Variants in GRIK4 observed in about 807,000 individuals in gnomAD.
The protein encoded by GRIK4 is glutamate ionotropic receptor kainate type subunit 4.
Under a neutral mutation model 104.9 loss-of-function variants are expected in GRIK4, and 40 were observed. The observed-to-expected ratio is 0.38, with a 90% CI of 0.30 to 0.50. GRIK4 has a LOEUF of 0.50. Among genes scored for constraint, GRIK4 ranks in the 20% least tolerant of loss-of-function variants. The pLI is 0.93. For synonymous variants in GRIK4, 485 were observed against 524.9 expected (o/e 0.92, Z 1.04); for missense variants, 1,047 against 1,308.1 (o/e 0.80, Z 3.08).
intron 3 of GRIK4, among the ~76,000 whole-genome samples, chr11:120,723,844 T>G (rs772927363): frequency 6.6e-6 from 1 of 152,130 alleles, no homozygotes; most frequent in Non-Finnish European, 1.5e-5. Context: ...ATAGTGAAAT[T>G]CACTTTTTAT....
intron 3 of GRIK4, among the ~76,000 whole-genome samples, chr11:120,800,560 G>T (rs551008514): frequency 6.6e-6 from 1 of 152,200 alleles, no homozygotes; most frequent in Non-Finnish European, 1.5e-5. Flanking sequence ...CCAGGTATGC[G>T]TGGACTTTGC....
At chr11:120,824,544 T>C (rs1343276984) in intron 6 of GRIK4, among the ~76,000 whole-genome samples, 1 of 149,518 alleles carries the variant, frequency 6.7e-6, no homozygotes, top group Non-Finnish European at 1.5e-5. Context: ...CTTCTTTTTT[T>C]TTTCTTTTCT....
intron 8 of GRIK4, among the ~76,000 whole-genome samples, chr11:120,841,825 G>A (rs1329463797): frequency 6.6e-6 from 1 of 152,178 alleles, no homozygotes; most frequent in Non-Finnish European, 1.5e-5. Flanking sequence ...GTGTCAAGTA[G>A]TCAGATGTGT....
intron 6 of GRIK4, among the ~76,000 whole-genome samples, chr11:120,826,292 G>T (rs1181500826): frequency 1.3e-5 from 2 of 152,064 alleles, no homozygotes; most frequent in East Asian, 3.9e-4. Flanking sequence ...CTTTCCTACA[G>T]TATGGGACGA....
intron 13 of GRIK4, among the ~76,000 whole-genome samples, chr11:120,910,324 G>C (rs1369722641): frequency 6.6e-6 from 1 of 152,230 alleles, no homozygotes; most frequent in Non-Finnish European, 1.5e-5. Flanking sequence ...AAAATCATCA[G>C]AGCATGTCTT....
At chr11:120,673,388 G>T (rs1397423070) in intron 3 of GRIK4, among the ~76,000 whole-genome samples, 1 of 152,204 alleles carries the variant, frequency 6.6e-6, no homozygotes, top group Non-Finnish European at 1.5e-5. Context: ...CTTAACAAGT[G>T]CTGCTTGCCG....
chr11:120,928,767 C>G (rs1943409218), intron 13 of GRIK4, among the ~76,000 whole-genome samples: 1 of 152,188 alleles, frequency 6.6e-6, no homozygotes, highest in Admixed American at 6.5e-5. Flanking sequence ...GAAATTCATC[C>G]AGCCCCGAGA....
intron 13 of GRIK4, among the ~76,000 whole-genome samples, chr11:120,922,468 T>C (rs1439784007): frequency 6.6e-5 from 10 of 152,172 alleles, no homozygotes; most frequent in Non-Finnish European, 7.4e-5. Flanking sequence ...TGTGAATAGA[T>C]AGTCCTGCTT....
intron 14 of GRIK4, among the ~76,000 whole-genome samples, chr11:120,945,267 C>T (rs577129899): frequency 2.6e-5 from 4 of 152,310 alleles, no homozygotes; most frequent in East Asian, 1.9e-4. Context: ...TGCTCTTCCA[C>T]GCAGCTCCCC....
chr11:120,704,500 G>A (rs898780781), intron 3 of GRIK4, among the ~76,000 whole-genome samples: 14 of 152,174 alleles, frequency 9.2e-5, no homozygotes, highest in African/African-American at 3.1e-4. Context: ...AAGCCTGCAC[G>A]TAATTTACAG....
Position 120,866,605 on chromosome 11 carries a change from G to T in GRIK4, c.906+4485G>T, listed in dbSNP as rs189090511. ...TGGGGGATATTCAGTGAGTGGGGGT[G>T]TTCTCTGAGGCTCTCTTGGTGCTGC... On this transcript the variant is annotated intron_variant, in intron 9 of 20. Coordinates refer to ENST00000527524, the MANE Select transcript of GRIK4 (RefSeq NM_014619.5). 1.5e-3 allele frequency among the ~76,000 whole-genome samples: 225 copies of T among 152,300 alleles called. 1 individual carries two copies. The highest frequency in any genetic ancestry group is 5.3e-3 in the African/African-American group (221 of 41,576).
Position 120,834,920 on chromosome 11 carries a change from C to T in GRIK4, c.691-1871C>T, listed in dbSNP as rs1953534125. ...AGCCTGTCGCTGTAAGCAGCGGGCT[C>T]GCTCCGTGGGTCGCATCCGTCTAGG... is the stretch of plus-strand genomic sequence containing the variant. On this transcript the variant is annotated intron_variant, in intron 7 of 20. Coordinates refer to ENST00000527524, the MANE Select transcript of GRIK4 (RefSeq NM_014619.5). Among the ~76,000 whole-genome samples the T allele has an allele frequency of 2.0e-5, 3 of 152,228 alleles. No individual in the cohort carries two copies. The South Asian group carries it at 6.2e-4, about 32-fold the overall frequency.
chr11:120,861,956 C>T lies in GRIK4; in HGVS notation c.745-3C>T, dbSNP rs150481631. On this transcript the variant is annotated splice_region_variant and splice_polypyrimidine_tract_variant and intron_variant, in intron 8 of 20. Transcript: ENST00000527524. ...TCTTATTTCTGATGCTGGGTCTTTC[C>T]AGGAGTTCTCACTCCAGAGAATGGA... 1.3e-4 allele frequency: 208 copies of T among 1,611,360 alleles called. No individual in the cohort carries two copies. The African/African-American group carries it at 2.6e-3, about 20-fold the overall frequency.
Position 120,986,385 on chromosome 11 carries a change from T to C in GRIK4, c.*125T>C. 2 of 1,248,830 alleles carry C rather than the reference T, an allele frequency of 1.6e-6. No individual in the cohort carries two copies. The allele number at this position is 1,248,830 out of a possible 1,614,324, so 77.4% of individuals were successfully genotyped here. On this transcript the variant is annotated 3_prime_UTR_variant, in exon 21 of 21. Coordinates refer to ENST00000527524, the MANE Select transcript of GRIK4 (RefSeq NM_014619.5). ...ACACCTCTCCAGATTTCGGATCCAG[T>C]CACTTTTCAAAAAGATCAAGGAGCC...
intron 11 of GRIK4, among the ~76,000 whole-genome samples, chr11:120,893,538 C>T (rs771211512): frequency 6.6e-6 from 1 of 152,192 alleles, no homozygotes; most frequent in African/African-American, 2.4e-5. Flanking sequence ...CTGGACCCTG[C>T]TTTCCTTATG....
chr11:120,644,059 G>GAGAGGA (rs796173721), intron 1 of GRIK4, among the ~76,000 whole-genome samples: 4,209 of 120,936 alleles, frequency 0.035, 177 homozygotes, highest in African/African-American at 0.14. Context: ...GAGAGAGAGA[G>GAGAGGA]GAGAGAGAGA....
intron 3 of GRIK4, among the ~76,000 whole-genome samples, chr11:120,727,713 GA>G (rs1181257545): frequency 6.6e-6 from 1 of 151,864 alleles, no homozygotes; most frequent in African/African-American, 2.4e-5. Context: ...ATCAGAAGTA[GA>G]AAAACTTAGA....
chr11:120,838,344 G>T (rs757331330), intron 8 of GRIK4, among the ~76,000 whole-genome samples: 1 of 152,158 alleles, frequency 6.6e-6, no homozygotes, highest in Non-Finnish European at 1.5e-5. Context: ...CTGGAATTCT[G>T]TAAGTAAAAA....
intron 3 of GRIK4, among the ~76,000 whole-genome samples, chr11:120,661,197 T>C (rs571643305): frequency 6.6e-6 from 1 of 152,032 alleles, no homozygotes; most frequent in East Asian, 1.9e-4. Flanking sequence ...CCCATGGAAT[T>C]AGGACAGATG....
Sources: gnomAD v4.1 joint callset for allele counts (sites outside exome capture counted in the v4.1 genomes callset) on GRCh38, gnomAD v4.1.1 for gene constraint, MANE v1.5 for transcripts, NCBI Gene and HGNC (gene_info 2026-07-23, HGNC 2026-07-21) for gene names.